Variants in L3MBTL4 observed in about 807,000 individuals in gnomAD.
The protein encoded by L3MBTL4 is lethal(3)malignant brain tumor-like protein 4.
Under a neutral mutation model 84.5 loss-of-function variants are expected in L3MBTL4, and 70 were observed. The observed-to-expected ratio is 0.83, with a 90% CI of 0.68 to 1.01. L3MBTL4 has a LOEUF of 1.01. L3MBTL4 is among the 50% of genes least tolerant of loss of function. The pLI is 0.00. For missense variants in L3MBTL4, 715 were observed against 754.8 expected, an observed-to-expected ratio of 0.95 and a Z score of 0.62; for synonymous variants, 274 against 259.8, an observed-to-expected ratio of 1.05 and a Z score of -0.52.
intron 4 of L3MBTL4, among the ~76,000 whole-genome samples, chr18:6,275,126 T>C (rs2049026489): frequency 6.6e-6 from 1 of 152,100 alleles, no homozygotes; most frequent in African/African-American, 2.4e-5. Flanking sequence ...CCCATCAGTG[T>C]GCAGGGTACT....
intron 16 of L3MBTL4, among the ~76,000 whole-genome samples, chr18:6,005,408 G>A (rs896051901): frequency 6.6e-6 from 1 of 151,992 alleles, no homozygotes; most frequent in Non-Finnish European, 1.5e-5. Context: ...CATGTCATGA[G>A]GGTTTGGGGT....
intron 12 of L3MBTL4, among the ~76,000 whole-genome samples, chr18:6,183,373 G>A (rs2044569480): frequency 6.6e-6 from 1 of 152,204 alleles, no homozygotes. Context: ...AAGCACTGAG[G>A]TGGTGAACTG....
At chr18:6,043,483 A>G (rs950322586) in intron 16 of L3MBTL4, among the ~76,000 whole-genome samples, 1 of 152,066 alleles carries the variant, frequency 6.6e-6, no homozygotes, top group African/African-American at 2.4e-5. Context: ...CATCCCTTAT[A>G]TATTAGATCA....
In L3MBTL4 at chr18:6,200,387, C is replaced by A. The variant is rs886732223; in HGVS notation, c.981+12762G>T. On this transcript the variant is annotated intron_variant, in intron 12 of 18. Transcript: ENST00000317931. The stretch of plus-strand genomic sequence containing the variant: ...AGAGATTAACTTGGTTCTCCAGGTG[C>A]CTTAAGCCAAGTGAAGTAGGCCACA... 5.3e-5 allele frequency among the ~76,000 whole-genome samples: 8 copies of A among 152,124 alleles called. No individual in the cohort carries two copies. In the South Asian group the frequency reaches 6.2e-4, roughly 12 times the overall value.
At chr18:6,032,177 C>A in intron 16 of L3MBTL4, 1 of 339,138 alleles carries the variant, frequency 2.9e-6, no homozygotes, top group Non-Finnish European at 4.5e-6. Flanking sequence ...CGGGGTTTCA[C>A]TGCGTTGGCC....
chr18:6,215,236 GA>G (rs1157399644), intron 11 of L3MBTL4, among the ~76,000 whole-genome samples: 3 of 152,052 alleles, frequency 2.0e-5, no homozygotes, highest in Non-Finnish European at 4.4e-5. Context: ...CTTTATTTTA[GA>G]AATTAATTTA....
chr18:6,390,297 C>T (rs567774528), intron 1 of L3MBTL4, among the ~76,000 whole-genome samples: 29 of 152,154 alleles, frequency 1.9e-4, no homozygotes, highest in Middle Eastern at 3.4e-3. Flanking sequence ...AATAGTGACA[C>T]AAGTTATCAA....
intron 4 of L3MBTL4, among the ~76,000 whole-genome samples, chr18:6,275,171 TG>T (rs766171800): frequency 7.2e-5 from 11 of 151,842 alleles, no homozygotes; most frequent in Non-Finnish European, 1.3e-4. Flanking sequence ...GTGTGTAGCA[TG>T]GGGTTGGTAG....
At chr18:6,369,882 C>G (rs2144161361) in intron 1 of L3MBTL4, among the ~76,000 whole-genome samples, 1 of 152,198 alleles carries the variant, frequency 6.6e-6, no homozygotes. Context: ...GCCTATAATC[C>G]TAGCACTTTG....
intron 12 of L3MBTL4, among the ~76,000 whole-genome samples, chr18:6,187,831 G>A: frequency 7.0e-6 from 1 of 143,722 alleles, no homozygotes; most frequent in South Asian, 2.2e-4. Flanking sequence ...TATTCCCATT[G>A]AAATTATACT....
intron 16 of L3MBTL4, chr18:6,017,672 A>C (rs1000247437): frequency 2.0e-5 from 3 of 152,210 alleles, no homozygotes; most frequent in African/African-American, 7.2e-5. Context: ...AAGCGCTCTG[A>C]TCAGAGGAAA....
Position 6,213,190 on chromosome 18 carries a change from G to C in L3MBTL4, c.940C>G (p.Arg314Gly). The C allele has an allele frequency of 6.2e-7, 1 of 1,609,464 alleles. No individual in the cohort carries two copies. Residue 314 changes from arginine (R) to glycine (G), a missense_variant, in exon 12 of 19, where the codon CGT becomes GGT. Arg to Gly is a moderately radical substitution (Grantham distance 125). Transcript: ENST00000317931. ...VVDKRNPRLI[R>G]VATIVDVDDQ... is the part of the protein sequence containing the mutation. ...TCAACATCTACAATCGTAGCAACAC[G>C]AATTAACCTGGGGTTCCGTTTATCC...
chr18:6,333,615 G>A (rs2052163841), intron 1 of L3MBTL4, among the ~76,000 whole-genome samples: 1 of 151,564 alleles, frequency 6.6e-6, no homozygotes, highest in East Asian at 1.9e-4. Flanking sequence ...AATAAGATTA[G>A]CATGGAGAAG....
intron 1 of L3MBTL4, among the ~76,000 whole-genome samples, chr18:6,404,343 A>C (rs1199623568): frequency 6.6e-6 from 1 of 152,212 alleles, no homozygotes. Context: ...AGTTTCAACA[A>C]ACAAATGAAA....
rs573686396 is a variant in L3MBTL4 at position 6,292,433 on chromosome 18, C to T, written c.127+9470G>A. Reference sequence around the variant, plus strand: ...TGGCTCAACACCTGGAGATGACTGCCGATGCCTATGAAACTGACAAGCAGG... The same window carrying T: ...TGGCTCAACACCTGGAGATGACTGCTGATGCCTATGAAACTGACAAGCAGG... On this transcript the variant is annotated intron_variant, in intron 4 of 18. Coordinates refer to ENST00000317931, the MANE Select transcript of L3MBTL4 (RefSeq NM_001330559.2). 6.6e-5 allele frequency among the ~76,000 whole-genome samples: 10 copies of T among 152,236 alleles called. No individual in the cohort carries two copies. The East Asian group carries it at 1.5e-3, about 24-fold the overall frequency.
chr18:6,326,863 A>G (rs1248039572), intron 1 of L3MBTL4: 5 of 152,246 alleles, frequency 3.3e-5, no homozygotes, highest in Non-Finnish European at 1.5e-5. Context: ...TAGGACAGAC[A>G]GTACATTAAG....
chr18:6,217,476 T>C (rs150712874), intron 10 of L3MBTL4, among the ~76,000 whole-genome samples: 9 of 152,386 alleles, frequency 5.9e-5, no homozygotes, highest in African/African-American at 1.9e-4. Flanking sequence ...TTCATTGTTG[T>C]ATAATATTCC....
At chr18:6,132,935 T>C (rs2059917603) in intron 14 of L3MBTL4, among the ~76,000 whole-genome samples, 1 of 152,144 alleles carries the variant, frequency 6.6e-6, no homozygotes, top group Non-Finnish European at 1.5e-5. Flanking sequence ...TCTGCTACCT[T>C]AAAAAGCAGT....
chr18:6,097,737 C>T (rs1014574763), intron 14 of L3MBTL4, among the ~76,000 whole-genome samples: 8 of 152,234 alleles, frequency 5.3e-5, no homozygotes, highest in Admixed American at 2.6e-4. Flanking sequence ...GTTCCTCTAA[C>T]TCAGCATCCA....
Sources: gnomAD v4.1 joint callset for allele counts (sites outside exome capture counted in the v4.1 genomes callset) on GRCh38, gnomAD v4.1.1 for gene constraint, MANE v1.5 for transcripts, NCBI Gene and HGNC (gene_info 2026-07-23, HGNC 2026-07-21) for gene names.